SHPRH: variants seen among roughly 807,000 people sequenced by gnomAD.
The protein encoded by SHPRH is E3 ubiquitin-protein ligase SHPRH.
Under a neutral mutation model 202.5 loss-of-function variants are expected in SHPRH, and 106 were observed. The ratio of observed to expected loss-of-function variants is 0.52; its 90% CI spans 0.45 to 0.62. The LOEUF is 0.62. Ranked by LOEUF, SHPRH falls within the 20% of genes least tolerant of loss-of-function variation. SHPRH has a pLI of 0.00. For missense variants in SHPRH, 1,710 were observed against 2,020.0 expected, an observed-to-expected ratio of 0.85 and a Z score of 2.94; for synonymous variants, 729 against 686.0, an observed-to-expected ratio of 1.06 and a Z score of -0.98.
intron 10 of SHPRH, 52 bp from the exon 11 acceptor site, chr6:145,940,853 G>T: frequency 6.3e-7 from 1 of 1,582,126 alleles, no homozygotes; most frequent in Non-Finnish European, 8.7e-7. Flanking sequence ...ACCACAGAAA[G>T]AACACAGAAG....
At chr6:145,908,619 T>C (rs1344876972) in intron 25 of SHPRH, 2 of 152,144 alleles carry the variant, frequency 1.3e-5, no homozygotes, top group Non-Finnish European at 2.9e-5. Flanking sequence ...TTTTTTCTTA[T>C]AAATATGTTC....
At chr6:145,940,587 T>C (rs1786662727) in intron 11 of SHPRH, 136 bp downstream of exon 11, 1 of 785,646 alleles carries the variant, frequency 1.3e-6, no homozygotes, top group South Asian at 1.9e-5. Context: ...TGCTTGAAAC[T>C]ATTAGGAGTC....
Position 145,943,002 on chromosome 6 carries a change from C to A in SHPRH, c.2238+141G>T, listed in dbSNP as rs568841717. On this transcript the variant is annotated intron_variant, in intron 9 of 29. Transcript: ENST00000275233. Reference sequence around the variant, plus strand: ...TCTAGTTCTTAGTCTCAATTTTTTTCTTTAAGCTTTGATTTAACATTACTA... The same window carrying A: ...TCTAGTTCTTAGTCTCAATTTTTTTATTTAAGCTTTGATTTAACATTACTA... 119 of 983,600 alleles carry A rather than the reference C, an allele frequency of 1.2e-4. No individual in the cohort carries two copies. In the African/African-American group the frequency reaches 1.9e-3, roughly 16 times the overall value. The allele number at this position is 983,600 out of a possible 1,614,324, so 60.9% of individuals were successfully genotyped here. A position where few individuals can be genotyped will look rare whatever the true frequency, so the allele number is the denominator to read the frequency against.
intron 2 of SHPRH, among the ~76,000 whole-genome samples, chr6:145,953,411 T>C (rs529850964): frequency 2.6e-4 from 40 of 152,074 alleles, no homozygotes; most frequent in Admixed American, 5.9e-4. Context: ...GGAACGTAGA[T>C]AGAACACAGA....
At chr6:145,948,213 G>A in intron 5 of SHPRH, 59 bp downstream of exon 5, 2 of 1,299,160 alleles carry the variant, frequency 1.5e-6, no homozygotes, top group Non-Finnish European at 2.1e-6. Flanking sequence ...AACAATCTCA[G>A]ACAGTTTTTC....
intron 2 of SHPRH, among the ~76,000 whole-genome samples, chr6:145,868,329 G>A (rs1289855982): frequency 6.6e-6 from 1 of 152,152 alleles, no homozygotes; most frequent in East Asian, 1.9e-4. Context: ...CTTTTTTGAA[G>A]TGGAGATACA....
intron 18 of SHPRH, 135 bp from the exon 19 acceptor site, chr6:145,922,971 TTGAG>T: frequency 9.5e-7 from 1 of 1,048,304 alleles, no homozygotes; most frequent in East Asian, 2.9e-5. Context: ...ACAGCAACAT[TTGAG>T]TGAGTTTTCC....
Position 145,943,660 on chromosome 6 carries a change from C to T in SHPRH, c.1721G>A (p.Ser574Asn), listed in dbSNP as rs2128783830. 1 of 1,613,800 alleles carries T rather than the reference C, an allele frequency of 6.2e-7. No individual in the cohort carries two copies. The highest frequency in any genetic ancestry group is 8.5e-7 in the Non-Finnish European group (1 of 1,179,872). ...TGGAACAAGCTTTTTCCTCAATTTA[C>T]TGCGATTTCTCCTGGACTTATAATA... ...YYYYKSRRNR[S>N]KLRKKLVPST... Residue 574 changes from serine to asparagine, a missense_variant, in exon 9 of 30, where the codon AGT (serine) becomes AAT (asparagine). By Grantham distance (46) the Ser-to-Asn change is conservative. This residue lies in a region of SHPRH where 348 missense variants were observed against 356.9 expected (regional missense o/e 0.97). Coordinates refer to ENST00000275233, the MANE Select transcript of SHPRH (RefSeq NM_001042683.3).
Position 145,941,596 on chromosome 6 carries a change from C to T in SHPRH, c.2490+27G>A. ...TCCTTTTCACCCTTCTTCCCCAGCCCTCAAAAGATTTTGCAGAAACTCTCA... is the reference window on the plus strand; with the variant it reads ...TCCTTTTCACCCTTCTTCCCCAGCCTTCAAAAGATTTTGCAGAAACTCTCA... On this transcript the variant is annotated intron_variant, in intron 10 of 29. Transcript: ENST00000275233. The T allele has an allele frequency of 1.9e-6, 3 of 1,610,824 alleles. No individual in the cohort carries two copies. The South Asian group carries it at 3.3e-5, about 18-fold the overall frequency.
intron 14 of SHPRH, among the ~76,000 whole-genome samples, chr6:145,931,904 T>C (rs1161275981): frequency 9.3e-5 from 13 of 140,218 alleles, no homozygotes; most frequent in Non-Finnish European, 1.7e-4. Flanking sequence ...TTTTTTTTTT[T>C]CCTTTGGGGA....
At chr6:145,905,622 T>C (rs979213354) in intron 25 of SHPRH, 1 of 152,110 alleles carries the variant, frequency 6.6e-6, no homozygotes, top group East Asian at 1.9e-4. Flanking sequence ...CATCATTGCA[T>C]TTGCGTGGAT....
intron 25 of SHPRH, chr6:145,905,152 C>T (rs1022411638): frequency 6.6e-6 from 1 of 152,084 alleles, no homozygotes; most frequent in Non-Finnish European, 1.5e-5. Flanking sequence ...CATGCTGTCA[C>T]CTAAGGGTGA....
At chr6:145,954,553 A>G in intron 2 of SHPRH, 137 bp downstream of exon 2, 2 of 877,270 alleles carry the variant, frequency 2.3e-6, no homozygotes, top group Admixed American at 3.0e-5. Flanking sequence ...AATAGTTATT[A>G]AAAGCTTAAA....
At chr6:145,911,268 C>G (rs1287366936) in intron 24 of SHPRH, among the ~76,000 whole-genome samples, 1 of 152,022 alleles carries the variant, frequency 6.6e-6, no homozygotes, top group African/African-American at 2.4e-5. Flanking sequence ...TCTTGAGTAG[C>G]TGGGATTACA....
chr6:145,935,609 T>C (rs1295815473), intron 11 of SHPRH, 168 bp from the exon 12 acceptor site: 5 of 674,578 alleles, frequency 7.4e-6, no homozygotes, highest in East Asian at 5.5e-5. Context: ...TTTATACTTA[T>C]TGAGCATCTA....
intron 3 of SHPRH, 95 bp from the exon 4 acceptor site, chr6:145,950,577 C>G: frequency 1.8e-6 from 2 of 1,113,236 alleles, no homozygotes; most frequent in Non-Finnish European, 2.6e-6. Flanking sequence ...ACTTGCCCAA[C>G]TCTGGGGCCT....
At chr6:145,934,609 G>A (rs1370024894) in intron 13 of SHPRH, among the ~76,000 whole-genome samples, 4 of 151,552 alleles carry the variant, frequency 2.6e-5, no homozygotes, top group Non-Finnish European at 2.9e-5. Flanking sequence ...CTGCCACTGT[G>A]AGCTATGATC....
intron 2 of SHPRH, chr6:145,871,591 G>A (rs764252042): frequency 1.3e-5 from 2 of 152,138 alleles, no homozygotes; most frequent in African/African-American, 2.4e-5. Context: ...TGGATAGGAA[G>A]AATCAATATT....
rs1562355910 is a variant in SHPRH, at chr6:145,943,528, G to A, written c.1853C>T (p.Thr618Ile). The change falls in exon 9 of 30, where the codon ACA becomes ATA. Residue 618 changes from threonine (T) to isoleucine (I), a missense_variant. Thr to Ile is a moderately conservative substitution (Grantham distance 89). Transcript: ENST00000275233. ...TTCTTGGTTGAATTCAGAGATACAT[G>A]TACTTTTAGACATAGCAACATCAGT... ...GITDVAMSKS[T>I]CISEFNQEHE... The A allele has an allele frequency of 6.2e-7, 1 of 1,613,852 alleles. No individual in the cohort carries two copies. The highest frequency in any genetic ancestry group is 8.5e-7 in the Non-Finnish European group (1 of 1,179,948).
Sources: allele counts gnomAD v4.1 joint callset (sites outside exome capture counted in the v4.1 genomes callset), GRCh38; gene constraint gnomAD v4.1.1; regional missense constraint gnomAD v4.1.1; transcripts MANE v1.5; gene names NCBI Gene and HGNC (gene_info 2026-07-23, HGNC 2026-07-21).